ADGRB3: variants seen among roughly 807,000 people sequenced by gnomAD.
ADGRB3 encodes the protein adhesion G protein-coupled receptor B3.
A neutral mutation model predicts 193.4 loss-of-function variants in ADGRB3; 37 were observed. The observed-to-expected ratio is 0.19, with a 90% CI of 0.15 to 0.25. ADGRB3 has a LOEUF of 0.25. Among genes scored for constraint, ADGRB3 ranks in the 10% least tolerant of loss-of-function variants. The pLI is 1.00. For missense variants in ADGRB3, 1,637 were observed against 1,852.9 expected, an observed-to-expected ratio of 0.88 and a Z score of 2.14; for synonymous variants, 690 against 644.2, an observed-to-expected ratio of 1.07 and a Z score of -1.08.
chr6:69,354,763 G>A (rs938468657), intron 27 of ADGRB3, among the ~76,000 whole-genome samples: 5 of 152,118 alleles, frequency 3.3e-5, no homozygotes, highest in African/African-American at 1.2e-4. Context: ...TAGGACCTAG[G>A]TATTGGTGAT....
At chr6:68,981,710 T>C (rs898322779) in intron 10 of ADGRB3, among the ~76,000 whole-genome samples, 2 of 151,492 alleles carry the variant, frequency 1.3e-5, no homozygotes, top group Non-Finnish European at 3.0e-5. Context: ...GCAAAACTTA[T>C]ACAAAAACAA....
chr6:68,784,574 C>G (rs1019797618), intron 3 of ADGRB3, among the ~76,000 whole-genome samples: 1 of 151,998 alleles, frequency 6.6e-6, no homozygotes, highest in African/African-American at 2.4e-5. Flanking sequence ...TTGTCTACAT[C>G]TCAAAAATTT....
intron 3 of ADGRB3, among the ~76,000 whole-genome samples, chr6:68,886,193 G>A (rs1387822761): frequency 1.3e-5 from 2 of 152,052 alleles, no homozygotes; most frequent in African/African-American, 2.4e-5. Context: ...TCAAATTCTG[G>A]TATTTAGACT....
chr6:69,322,311 C>A (rs1768474657), intron 20 of ADGRB3, among the ~76,000 whole-genome samples: 2 of 151,872 alleles, frequency 1.3e-5, no homozygotes, highest in African/African-American at 4.8e-5. Flanking sequence ...CTGCCATGAA[C>A]ATACACCTGA....
At chr6:68,982,702 T>C (rs1289289514) in intron 10 of ADGRB3, among the ~76,000 whole-genome samples, 1 of 152,100 alleles carries the variant, frequency 6.6e-6, no homozygotes, top group Non-Finnish European at 1.5e-5. Flanking sequence ...CTCCTCAGCT[T>C]TTTACACAGG....
rs564328293 is a variant in ADGRB3, at chr6:69,043,460, A to G, written c.2108-4725A>G. Reference sequence around the variant, plus strand: ...GCCTTTTGTTATATGAATATAATCAACATAAGTTTTGAATATATAATCTCA... The same window carrying G: ...GCCTTTTGTTATATGAATATAATCAGCATAAGTTTTGAATATATAATCTCA... On this transcript the variant is annotated intron_variant, in intron 13 of 31. Coordinates refer to ENST00000370598, the MANE Select transcript of ADGRB3 (RefSeq NM_001704.3). Among the ~76,000 whole-genome samples, 4 of 152,354 alleles carry G rather than the reference A, an allele frequency of 2.6e-5. No individual in the cohort carries two copies. The South Asian group carries it at 8.3e-4, about 32-fold the overall frequency.
chr6:69,234,957 G>A, intron 18 of ADGRB3, 75 bp from the exon 19 acceptor site: 1 of 1,180,292 alleles, frequency 8.5e-7, no homozygotes, highest in Non-Finnish European at 1.2e-6. Context: ...TGATAGGTTA[G>A]CTTTGCTGAG....
chr6:68,903,992 G>GA (rs777405065), intron 3 of ADGRB3, among the ~76,000 whole-genome samples: 35,490 of 83,324 alleles, frequency 0.43, 7,434 homozygotes, highest in African/African-American at 0.51. Flanking sequence ...AAGACAATAT[G>GA]AAAAAAAAAA....
chr6:68,804,442 G>T (rs974784593), intron 3 of ADGRB3, among the ~76,000 whole-genome samples: 1 of 152,142 alleles, frequency 6.6e-6, no homozygotes, highest in Non-Finnish European at 1.5e-5. Context: ...TACATGCAAT[G>T]CATTAGAAGT....
intron 10 of ADGRB3, 89 bp downstream of exon 10, chr6:68,975,429 A>G: frequency 1.1e-6 from 1 of 928,466 alleles, no homozygotes; most frequent in Non-Finnish European, 1.6e-6. Context: ...TGTACAATCA[A>G]ATCAGTAACA....
chr6:68,838,162 G>T (rs1399664671), intron 3 of ADGRB3, among the ~76,000 whole-genome samples: 1 of 152,132 alleles, frequency 6.6e-6, no homozygotes, highest in Non-Finnish European at 1.5e-5. Context: ...GAATCCAGTT[G>T]CTGGAGGCTT....
At chr6:68,884,362 A>G (rs1765840319) in intron 3 of ADGRB3, among the ~76,000 whole-genome samples, 1 of 152,202 alleles carries the variant, frequency 6.6e-6, no homozygotes, top group South Asian at 2.1e-4. Flanking sequence ...AAGCGCTGCA[A>G]AGACATCATG....
At chr6:68,783,954 C>A (rs935973870) in intron 3 of ADGRB3, among the ~76,000 whole-genome samples, 1 of 152,002 alleles carries the variant, frequency 6.6e-6, no homozygotes, top group Non-Finnish European at 1.5e-5. Context: ...TATTCTTTAA[C>A]TTCTCAGTTA....
intron 3 of ADGRB3, among the ~76,000 whole-genome samples, chr6:68,873,153 A>G (rs572839740): frequency 1.3e-5 from 2 of 152,292 alleles, no homozygotes; most frequent in South Asian, 4.1e-4. Context: ...ATAGCCATTT[A>G]TGAATTAAGA....
chr6:68,716,515 T>G (rs1765492541), intron 3 of ADGRB3, among the ~76,000 whole-genome samples: 1 of 136,396 alleles, frequency 7.3e-6, no homozygotes, highest in African/African-American at 2.9e-5. Flanking sequence ...TCACAGCTCA[T>G]TTTTTTTTTT....
At chr6:68,831,303 TA>T (rs60991980) in intron 3 of ADGRB3, among the ~76,000 whole-genome samples, 34,266 of 122,294 alleles carry the variant, frequency 0.28, 4,815 homozygotes, top group Middle Eastern at 0.43. Context: ...TGGAGAAGAT[TA>T]AAAAAAAAAA....
intron 17 of ADGRB3, among the ~76,000 whole-genome samples, chr6:69,167,554 T>G (rs1431489404): frequency 1.3e-5 from 2 of 152,146 alleles, no homozygotes; most frequent in African/African-American, 4.8e-5. Flanking sequence ...ACATCTAAAT[T>G]TAGAGATTTG....
intron 17 of ADGRB3, among the ~76,000 whole-genome samples, chr6:69,228,466 C>T (rs1487742362): frequency 2.0e-5 from 3 of 152,106 alleles, no homozygotes; most frequent in Admixed American, 1.3e-4. Flanking sequence ...AAAGCATTAA[C>T]AGGTATAGAG....
intron 10 of ADGRB3, among the ~76,000 whole-genome samples, chr6:68,991,501 A>G (rs1769235832): frequency 6.6e-6 from 1 of 151,994 alleles, no homozygotes; most frequent in Admixed American, 6.6e-5. Flanking sequence ...CCTTTCTGAG[A>G]AGGCGACAAA....
Sources: allele counts gnomAD v4.1 joint callset (sites outside exome capture counted in the v4.1 genomes callset), GRCh38; gene constraint gnomAD v4.1.1; transcripts MANE v1.5; gene names NCBI Gene and HGNC (gene_info 2026-07-23, HGNC 2026-07-21).